ZFHX3: variants seen among roughly 807,000 people sequenced by gnomAD.
The protein encoded by ZFHX3 is zinc finger homeobox protein 3.
In ZFHX3, 42 loss-of-function variants were observed where a neutral mutation model predicts 279.1. The ratio of observed to expected loss-of-function variants is 0.15; its 90% confidence interval spans 0.12 to 0.19. The LOEUF is 0.19. Among genes scored for constraint, ZFHX3 ranks in the 10% least tolerant of loss-of-function variants. The pLI, the probability that ZFHX3 is intolerant of heterozygous loss-of-function variation, is 1.00. For missense variants in ZFHX3, 4,981 were observed against 4,754.0 expected (o/e 1.05, Z -1.40); for synonymous variants, 2,293 against 1,957.8 (o/e 1.17, Z -4.52).
intron 2 of ZFHX3, chr16:73,486,802 G>A (rs1000600469): frequency 2.6e-5 from 12 of 455,678 alleles, no homozygotes; most frequent in Middle Eastern, 3.2e-4. Flanking sequence ...AGAATCCATC[G>A]TTCAATGTAC....
At position 72,854,283 on chromosome 16, in the gene ZFHX3, A is replaced by G. The variant is rs1464059940; in HGVS notation, c.3449-24424T>C. 7.2e-5 allele frequency among the ~76,000 whole-genome samples: 11 copies of G among 152,186 alleles called. No homozygotes were observed. The East Asian group carries it at 1.7e-3, about 24-fold the overall frequency. On this transcript the variant is annotated intron_variant, in intron 4 of 9. Transcript: ENST00000268489. ...TTTGCCTCCCATGTTTGAGGATTCG[A>G]GACAGTGGTTAGCCGGCCTGGCACC...
At chr16:73,889,059 AC>A (rs1404618643) in intron 1 of ZFHX3, among the ~76,000 whole-genome samples, 1 of 152,190 alleles carries the variant, frequency 6.6e-6, no homozygotes, top group African/African-American at 2.4e-5. Flanking sequence ...ACACAGGCCC[AC>A]TGATTTGTAG....
intron 3 of ZFHX3, among the ~76,000 whole-genome samples, chr16:72,926,645 C>T (rs1411298727): frequency 6.6e-6 from 1 of 152,254 alleles, no homozygotes; most frequent in East Asian, 1.9e-4. Context: ...AGATAGGTCC[C>T]GACCACCCAT....
intron 2 of ZFHX3, among the ~76,000 whole-genome samples, chr16:73,612,936 G>GGC (rs1356361453): frequency 8.6e-5 from 13 of 151,934 alleles, no homozygotes. Context: ...AAAAAAGGAG[G>GGC]AGATGAGGGC....
chr16:72,976,820 G>A (rs542159141), intron 1 of ZFHX3, among the ~76,000 whole-genome samples: 3 of 152,280 alleles, frequency 2.0e-5, no homozygotes, highest in East Asian at 1.9e-4. Flanking sequence ...AAGTGGCACC[G>A]CCGCCCTGAG....
intron 2 of ZFHX3, among the ~76,000 whole-genome samples, chr16:73,458,565 C>T (rs2018416765): frequency 6.6e-6 from 1 of 152,008 alleles, no homozygotes; most frequent in Non-Finnish European, 1.5e-5. Context: ...ACCATATTGG[C>T]CAGGCTGGTC....
Position 73,147,617 on chromosome 16 carries a change from G to A in ZFHX3, c.-1103-3786C>T, listed in dbSNP as rs542629589. On this transcript the variant is annotated intron_variant, in intron 5 of 17. Transcript: ENST00000641206. ...TGAGGCAGGAGAATGGCGTGAACCCGGGAGGCGGAGCTTGCAGTGAGCCGA... is the reference window on the plus strand; with the variant it reads ...TGAGGCAGGAGAATGGCGTGAACCCAGGAGGCGGAGCTTGCAGTGAGCCGA... 4.7e-5 allele frequency among the ~76,000 whole-genome samples: 7 copies of A among 148,718 alleles called. No homozygotes were observed. In the South Asian group the frequency reaches 1.1e-3, roughly 23 times the overall value.
At chr16:73,644,995 A>G (rs976670613) in intron 2 of ZFHX3, among the ~76,000 whole-genome samples, 12 of 152,194 alleles carry the variant, frequency 7.9e-5, no homozygotes, top group Admixed American at 2.0e-4. Context: ...AGTGCTGAAT[A>G]CCTGATTCAC....
intron 3 of ZFHX3, among the ~76,000 whole-genome samples, chr16:72,938,192 T>C (rs1159062051): frequency 6.6e-6 from 1 of 152,272 alleles, no homozygotes; most frequent in East Asian, 1.9e-4. Flanking sequence ...ACCAGGGATA[T>C]GTCACTAGAG....
At chr16:73,356,583 C>T (rs964527219) in intron 3 of ZFHX3, among the ~76,000 whole-genome samples, 5 of 151,950 alleles carry the variant, frequency 3.3e-5, no homozygotes, top group East Asian at 1.9e-4. Flanking sequence ...GTCCCAGCTC[C>T]GACACTTACA....
At chr16:73,870,335 G>A (rs899048037) in intron 1 of ZFHX3, among the ~76,000 whole-genome samples, 2 of 152,132 alleles carry the variant, frequency 1.3e-5, no homozygotes, top group Non-Finnish European at 2.9e-5. Context: ...ACAAAGCATT[G>A]CCTGCAGCCA....
chr16:73,350,061 A>G (rs528334215), intron 3 of ZFHX3, among the ~76,000 whole-genome samples: 137 of 150,862 alleles, frequency 9.1e-4, no homozygotes, highest in African/African-American at 3.2e-3. Context: ...AGGGAAAGTC[A>G]CCTTTCTCCA....
intron 2 of ZFHX3, among the ~76,000 whole-genome samples, chr16:73,575,334 C>A (rs1396415564): frequency 6.6e-6 from 1 of 152,188 alleles, no homozygotes; most frequent in South Asian, 2.1e-4. Flanking sequence ...TAAGGAGTTG[C>A]TGGCTAGGAC....
Position 72,912,667 on chromosome 16 carries a change from G to T in ZFHX3, c.3217-22705C>A, listed in dbSNP as rs142431174. Among the ~76,000 whole-genome samples, 904 of 152,184 alleles carry T rather than the reference G, an allele frequency of 5.9e-3. 11 individuals are homozygous for T. Among genetic ancestry groups the T allele is most frequent in the African/African-American group, 0.021 (856 of 41,538 alleles). On this transcript the variant is annotated intron_variant, in intron 3 of 9. Coordinates refer to ENST00000268489, the MANE Select transcript of ZFHX3 (RefSeq NM_006885.4). Reference sequence around the variant, plus strand: ...GGAGGATAGGAGCGAATGGGGAGCAGGGATGGGGCTTGCACTTTTACTTCC... The same window carrying T: ...GGAGGATAGGAGCGAATGGGGAGCATGGATGGGGCTTGCACTTTTACTTCC...
rs150202517 is a variant in ZFHX3 at position 73,158,738 on chromosome 16, C to T, written c.-1103-14907G>A. On this transcript the variant is annotated intron_variant, in intron 5 of 17. Coordinates refer to the ZFHX3 transcript ENST00000641206. ...ACTGGTACAAAAACAGACACATAGA[C>T]GAATGGAACAGAATAGAGAGCCCAG... Among the ~76,000 whole-genome samples the T allele has an allele frequency of 3.0e-3, 455 of 152,162 alleles. 6 individuals are homozygous for T. The highest frequency in any genetic ancestry group is 4.6e-3 in the Admixed American group (70 of 15,276).
At chr16:73,730,485 AAGGAATCAGACCATTCCTTTGAAG>A (rs2053561126) in intron 1 of ZFHX3, among the ~76,000 whole-genome samples, 1 of 152,168 alleles carries the variant, frequency 6.6e-6, no homozygotes, top group Non-Finnish European at 1.5e-5. Flanking sequence ...CATTGTACAT[AAGGAATCAGACCATTCCTTTGAAG>A]AGGTTTGGCT....
chr16:73,484,511 C>T (rs1472646221), intron 2 of ZFHX3, among the ~76,000 whole-genome samples: 1 of 152,134 alleles, frequency 6.6e-6, no homozygotes, highest in South Asian at 2.1e-4. Context: ...TATCAGATGA[C>T]GCTATGATGA....
At position 73,634,433 on chromosome 16, in the gene ZFHX3, A is replaced by AATATATATATATAT. The variant is rs60477881; in HGVS notation, c.-1547+45733_-1547+45746dup. ...GGCAACTCAACCAGTTATTATGTATAATATATATATATATATATATATATA... is the reference window on the plus strand; with the variant it reads ...GGCAACTCAACCAGTTATTATGTATAATATATATATATATATATATATATATATATATATATATA... On this transcript the variant is annotated intron_variant, in intron 2 of 17. Coordinates refer to the ZFHX3 transcript ENST00000641206. 1.7e-3 allele frequency among the ~76,000 whole-genome samples: 101 copies of AATATATATATATAT among 59,862 alleles called. 1 individual carries two copies. The highest frequency in any genetic ancestry group is 4.1e-3 in the African/African-American group (93 of 22,946). The allele number at this position is 59,862 out of a possible 152,430, so 39.3% of individuals were successfully genotyped here. A position where few individuals can be genotyped will look rare whatever the true frequency, so the allele number is the denominator to read the frequency against.
At chr16:73,325,925 ACAAACAC>A (rs1567451233) in intron 3 of ZFHX3, among the ~76,000 whole-genome samples, 14 of 137,588 alleles carry the variant, frequency 1.0e-4, no homozygotes, top group African/African-American at 4.2e-4. Flanking sequence ...ACACACACAC[ACAAACAC>A]ACACACACAC....
Sources: allele counts gnomAD v4.1 joint callset (sites outside exome capture counted in the v4.1 genomes callset), GRCh38; gene constraint gnomAD v4.1.1; transcripts MANE v1.5; gene names NCBI Gene and HGNC (gene_info 2026-07-23, HGNC 2026-07-21).